Variants in HTR2C observed in about 807,000 individuals in gnomAD.
HTR2C encodes 5-hydroxytryptamine receptor 2C.
In HTR2C, 5 loss-of-function variants were observed where a neutral mutation model predicts 21.0. The observed-to-expected ratio is 0.24, with a 90% CI of 0.12 to 0.50. The LOEUF is 0.50. HTR2C is among the 20% of genes least tolerant of loss of function. HTR2C has a pLI of 0.98. For missense variants in HTR2C, 271 were observed against 371.2 expected (o/e 0.73, Z 2.22); for synonymous variants, 150 against 145.3 (o/e 1.03, Z -0.23).
intron 4 of HTR2C, among the ~76,000 whole-genome samples, chrX:114,739,635 A>G (rs2069625054): frequency 8.9e-6 from 1 of 111,794 alleles, no homozygotes; most frequent in Non-Finnish European, 1.9e-5. Flanking sequence ...TAACAATAAT[A>G]CATGCCAAAC....
At chrX:114,870,571 C>CT (rs782190647) in intron 5 of HTR2C, among the ~76,000 whole-genome samples, 89 of 110,582 alleles carry the variant, frequency 8.0e-4, no homozygotes, top group African/African-American at 2.6e-3. Flanking sequence ...TACTGGGAGA[C>CT]TTTTTTTTAT....
intron 4 of HTR2C, among the ~76,000 whole-genome samples, chrX:114,807,775 C>T (rs147023282): frequency 0.013 from 1,413 of 108,997 alleles, 14 homozygotes; most frequent in East Asian, 0.038. Flanking sequence ...AGAGTTCATG[C>T]GATTCTCCTG....
chrX:114,630,631 T>A (rs782643893), intron 2 of HTR2C, among the ~76,000 whole-genome samples: 1 of 112,174 alleles, frequency 8.9e-6, no homozygotes, highest in Non-Finnish European at 1.9e-5. Context: ...TCTGCCTGAT[T>A]CTAAACTCAC....
intron 4 of HTR2C, among the ~76,000 whole-genome samples, chrX:114,817,165 G>A (rs782627051): frequency 1.8e-5 from 2 of 110,612 alleles, no homozygotes; most frequent in East Asian, 5.7e-4. Flanking sequence ...GTGTCTGTAG[G>A]TTTTTTTTAG....
At chrX:114,887,217 G>C (rs1184459839) in intron 5 of HTR2C, among the ~76,000 whole-genome samples, 3 of 111,603 alleles carry the variant, frequency 2.7e-5, no homozygotes, top group African/African-American at 9.8e-5. Flanking sequence ...ACGCTGTAGA[G>C]GTATTTTTTT....
intron 4 of HTR2C, among the ~76,000 whole-genome samples, chrX:114,825,929 T>C (rs1418626222): frequency 8.9e-6 from 1 of 111,740 alleles, no homozygotes; most frequent in Non-Finnish European, 1.9e-5. Flanking sequence ...TATCCGATGA[T>C]CTGCAATTTA....
intron 2 of HTR2C, among the ~76,000 whole-genome samples, chrX:114,692,689 CA>C (rs782358851): frequency 1.6e-3 from 173 of 110,786 alleles, no homozygotes; most frequent in Non-Finnish European, 2.6e-3. Context: ...AAGTGCTCAG[CA>C]ATATAGGTAT....
At chrX:114,755,188 T>C (rs1462001053) in intron 4 of HTR2C, among the ~76,000 whole-genome samples, 1 of 104,463 alleles carries the variant, frequency 9.6e-6, no homozygotes, top group Non-Finnish European at 1.9e-5. Context: ...TGCAGTGAGC[T>C]GAGATCGCAC....
chrX:114,798,896 A>C (rs1273320398), intron 4 of HTR2C, among the ~76,000 whole-genome samples: 3 of 110,759 alleles, frequency 2.7e-5, no homozygotes, highest in Non-Finnish European at 5.7e-5. Flanking sequence ...TAAGTAGCTA[A>C]TTACTGAATA....
intron 2 of HTR2C, among the ~76,000 whole-genome samples, chrX:114,645,459 A>G (rs1337753435): frequency 9.4e-6 from 1 of 106,906 alleles, no homozygotes; most frequent in Non-Finnish European, 2.0e-5. Flanking sequence ...TGGAAGAAGG[A>G]GAGAGAGGGA....
At chrX:114,709,200 T>C (rs1489488725) in intron 2 of HTR2C, among the ~76,000 whole-genome samples, 5 of 112,234 alleles carry the variant, frequency 4.5e-5, no homozygotes, top group African/African-American at 1.6e-4. Context: ...CTTTTATCAT[T>C]AAAAAGCGTC....
intron 4 of HTR2C, among the ~76,000 whole-genome samples, chrX:114,799,439 A>G (rs1394866912): frequency 9.1e-6 from 1 of 109,963 alleles, no homozygotes; most frequent in Non-Finnish European, 1.9e-5. Flanking sequence ...ATGAACCATA[A>G]GTCCAAAGGT....
chrX:114,865,068 A>C (rs1556474164), intron 5 of HTR2C, among the ~76,000 whole-genome samples: 1 of 110,223 alleles, frequency 9.1e-6, no homozygotes, highest in African/African-American at 3.3e-5. Flanking sequence ...GCACATTTGT[A>C]ATACTCCCCT....
intron 2 of HTR2C, among the ~76,000 whole-genome samples, chrX:114,670,394 C>CAA (rs35858180): frequency 3.1e-5 from 2 of 63,517 alleles, no homozygotes; most frequent in Non-Finnish European, 2.9e-5. Context: ...TACTCTGTCT[C>CAA]AAAAAAAAAA....
chrX:114,592,164 G>A (rs781905181), intron 1 of HTR2C, among the ~76,000 whole-genome samples: 43 of 112,175 alleles, frequency 3.8e-4, no homozygotes, highest in Non-Finnish European at 1.1e-4. Flanking sequence ...TATATAAAAT[G>A]GGGAAGAGAA....
At chrX:114,667,440 C>A in intron 2 of HTR2C, among the ~76,000 whole-genome samples, 1 of 111,201 alleles carries the variant, frequency 9.0e-6, no homozygotes, top group Non-Finnish European at 1.9e-5. Context: ...ATTTAATTAT[C>A]ATTAGCTTAT....
intron 4 of HTR2C, among the ~76,000 whole-genome samples, chrX:114,784,865 C>T (rs1167721349): frequency 3.6e-5 from 4 of 110,745 alleles, no homozygotes; most frequent in Admixed American, 9.6e-5. Context: ...GTGATCCGCC[C>T]GCCTCGGCCT....
rs782331665 is a variant in HTR2C, at chrX:114,701,542, C to T, written c.-79-25316C>T. On this transcript the variant is annotated intron_variant, in intron 2 of 5. Transcript: ENST00000276198. ...AAAACTAACAGACAGAAAGGACATCCACACCAAAAACCCATCTGTACATCA... is the reference window on the plus strand; with the variant it reads ...AAAACTAACAGACAGAAAGGACATCTACACCAAAAACCCATCTGTACATCA... 2.7e-3 allele frequency among the ~76,000 whole-genome samples: 299 copies of T among 111,084 alleles called. 1 individual carries two copies. Among genetic ancestry groups the T allele is most frequent in the African/African-American group, 9.2e-3 (282 of 30,608 alleles).
intron 4 of HTR2C, among the ~76,000 whole-genome samples, chrX:114,825,767 A>G (rs1377439518): frequency 9.0e-6 from 1 of 111,488 alleles, no homozygotes; most frequent in Non-Finnish European, 1.9e-5. Context: ...TTTCTGCTCT[A>G]CCATTGTTGT....
Sources: allele counts gnomAD v4.1 joint callset (sites outside exome capture counted in the v4.1 genomes callset), GRCh38; gene constraint gnomAD v4.1.1; transcripts MANE v1.5; gene names NCBI Gene and HGNC (gene_info 2026-07-23, HGNC 2026-07-21).